The following ICAM2 variants were observed in gnomAD, a reference collection of about 807,000 sequenced individuals.
The protein encoded by ICAM2 is ICAM-2.
Under a neutral mutation model 19.1 loss-of-function variants are expected in ICAM2, and 14 were observed. The ratio of observed to expected loss-of-function variants is 0.73; its 90% confidence interval spans 0.48 to 1.15. ICAM2 has a LOEUF of 1.15. Among genes scored for constraint, ICAM2 ranks in the 50% most tolerant of loss-of-function variants. The probability of loss-of-function intolerance (pLI) is 0.00; values close to 1 mark genes in which losing one functional copy is unlikely to be tolerated. For synonymous variants in ICAM2, 153 were observed against 152.7 expected, an observed-to-expected ratio of 1.00 and a Z score of -0.01; for missense variants, 311 against 355.4, an observed-to-expected ratio of 0.88 and a Z score of 1.00.
intron 1 of ICAM2, among the ~76,000 whole-genome samples, chr17:64,007,267 CT>C (rs1031318047): frequency 5.1e-4 from 74 of 146,458 alleles, no homozygotes; most frequent in Middle Eastern, 3.6e-3. Flanking sequence ...TTTTCTTTTT[CT>C]TTTTTTTTTT....
At chr17:64,004,929 G>A (rs1407004136) in intron 3 of ICAM2, 178 bp downstream of exon 3, 1 of 677,862 alleles carries the variant, frequency 1.5e-6, no homozygotes, top group East Asian at 2.7e-5. Context: ...ATGCCAGCGG[G>A]CTCAAGGCAT....
intron 1 of ICAM2, among the ~76,000 whole-genome samples, chr17:64,017,009 A>G (rs1285271547): frequency 6.6e-6 from 1 of 152,254 alleles, no homozygotes; most frequent in Non-Finnish European, 1.5e-5. Flanking sequence ...CTTACATAAA[A>G]CTTCTATGTT....
chr17:64,009,340 C>A (rs1437002954), intron 1 of ICAM2, among the ~76,000 whole-genome samples: 1 of 150,600 alleles, frequency 6.6e-6, no homozygotes, highest in African/African-American at 2.4e-5. Context: ...CCTCCTGCTA[C>A]TGCTAAAGTC....
At chr17:64,007,529 T>G (rs369915607) in intron 1 of ICAM2, among the ~76,000 whole-genome samples, 14 of 152,198 alleles carry the variant, frequency 9.2e-5, no homozygotes, top group Admixed American at 5.2e-4. Flanking sequence ...CCCAAAGTGC[T>G]GGGATTACAG....
chr17:64,008,784 T>G (rs1010560109), intron 1 of ICAM2, among the ~76,000 whole-genome samples: 1 of 152,184 alleles, frequency 6.6e-6, no homozygotes, highest in South Asian at 2.1e-4. Flanking sequence ...TGTGAGGGAC[T>G]GTGGGAAGGT....
intron 1 of ICAM2, among the ~76,000 whole-genome samples, chr17:64,018,167 A>C (rs1474016051): frequency 6.6e-6 from 1 of 151,886 alleles, no homozygotes; most frequent in African/African-American, 2.4e-5. Context: ...CCCCATCGCT[A>C]CTGAAAATAC....
intron 1 of ICAM2, among the ~76,000 whole-genome samples, chr17:64,019,686 C>A (rs6504195): frequency 6.6e-6 from 1 of 151,942 alleles, no homozygotes; most frequent in East Asian, 1.9e-4. Context: ...TGGTGGCATG[C>A]GCACCTGTAG....
chr17:64,018,809 C>T (rs908330657), intron 1 of ICAM2, among the ~76,000 whole-genome samples: 2 of 150,280 alleles, frequency 1.3e-5, no homozygotes, highest in East Asian at 1.9e-4. Context: ...GCAACCTCCA[C>T]CTCCCGGGTT....
At chr17:64,020,014 C>T (rs937990060) in intron 1 of ICAM2, among the ~76,000 whole-genome samples, 11 of 151,930 alleles carry the variant, frequency 7.2e-5, no homozygotes, top group Non-Finnish European at 1.0e-4. Context: ...GGCCTTTCTA[C>T]GTGCCTAGAA....
intron 1 of ICAM2, 67 bp downstream of exon 1, chr17:64,020,456 G>C (rs1202206232): frequency 6.6e-6 from 1 of 152,302 alleles, no homozygotes; most frequent in East Asian, 1.9e-4. Flanking sequence ...CTCAGACCTC[G>C]ACACTGCCAA....
intron 1 of ICAM2, among the ~76,000 whole-genome samples, chr17:64,012,425 C>T (rs1415727116): frequency 6.6e-6 from 1 of 151,968 alleles, no homozygotes; most frequent in African/African-American, 2.4e-5. Context: ...TGGTGGAACC[C>T]CATTTCTACT....
At chr17:64,018,788 C>T (rs1911825413) in intron 1 of ICAM2, among the ~76,000 whole-genome samples, 2 of 122,322 alleles carry the variant, frequency 1.6e-5, no homozygotes, top group Non-Finnish European at 3.2e-5. Context: ...GTGGCGCGAT[C>T]TTGGCTTACT....
At chr17:64,013,423 C>T (rs897562842) in intron 1 of ICAM2, among the ~76,000 whole-genome samples, 13 of 152,086 alleles carry the variant, frequency 8.5e-5, no homozygotes, top group Non-Finnish European at 1.9e-4. Context: ...ATTGTTTGAA[C>T]CCAGGAGGTG....
At chr17:64,013,507 G>T (rs1439439841) in intron 1 of ICAM2, among the ~76,000 whole-genome samples, 1 of 145,162 alleles carries the variant, frequency 6.9e-6, no homozygotes, top group African/African-American at 2.5e-5. Flanking sequence ...TCTCAAAAAA[G>T]AAAAAAAAAA....
At chr17:64,017,630 A>T (rs2143252095) in intron 1 of ICAM2, among the ~76,000 whole-genome samples, 1 of 152,304 alleles carries the variant, frequency 6.6e-6, no homozygotes, top group Non-Finnish European at 1.5e-5. Flanking sequence ...AAGAACCAAG[A>T]CGCCCCTAAA....
At chr17:64,012,710 C>T (rs184880289) in intron 1 of ICAM2, among the ~76,000 whole-genome samples, 156 of 152,300 alleles carry the variant, frequency 1.0e-3, no homozygotes, top group African/African-American at 3.6e-3. Context: ...ATGTGGAACA[C>T]TGTATTAGAT....
Position 64,003,642 on chromosome 17 carries a change from A to G in ICAM2, c.649+2T>C. On this transcript the variant is annotated splice_donor_variant, in intron 4 of 4. Coordinates refer to ENST00000579788, the MANE Select transcript of ICAM2 (RefSeq NM_001099789.2). LOFTEE classifies it high-confidence loss of function. ...CAACTCCATCCACGGATCCCCCCTC[A>G]CCATAGATCTCCAACATCTTCGGGG... 1.2e-6 allele frequency: 2 copies of G among 1,610,732 alleles called. No homozygotes were observed. The highest frequency in any genetic ancestry group is 1.7e-6 in the Non-Finnish European group (2 of 1,177,786).
intron 1 of ICAM2, among the ~76,000 whole-genome samples, chr17:64,009,752 C>T (rs1430026305): frequency 6.6e-6 from 1 of 152,206 alleles, no homozygotes; most frequent in Non-Finnish European, 1.5e-5. Flanking sequence ...CAGAATTATG[C>T]AGACTCTGTC....
Position 64,003,863 on chromosome 17 carries a change from T to A in ICAM2, c.430A>T (p.Ser144Cys). 4 of 1,614,238 alleles carry A rather than the reference T, an allele frequency of 2.5e-6. No homozygotes were observed. The highest frequency in any genetic ancestry group is 3.4e-6 in the Non-Finnish European group (4 of 1,180,034). The change falls in exon 4 of 5, where the codon AGC becomes TGC. Residue 144 changes from serine (S) to cysteine (C), a missense_variant. By Grantham distance (112) the Ser-to-Cys change is moderately radical. Transcript: ENST00000579788. The stretch of plus-strand genomic sequence containing the variant: ...CCACGGAACAGGAAGAGGGTGAGGC[T>A]GTCCAGGGGCTCCACGGTGGGCACC... ...CRVPTVEPLD[S>C]LTLFLFRGNE...
Sources: gnomAD v4.1 joint callset for allele counts (sites outside exome capture counted in the v4.1 genomes callset) on GRCh38, gnomAD v4.1.1 for gene constraint, MANE v1.5 for transcripts, NCBI Gene and HGNC (gene_info 2026-07-23, HGNC 2026-07-21) for gene names.